Variants in FNDC3A observed in about 807,000 individuals in gnomAD.
FNDC3A encodes fibronectin type III domain containing 3A.
A neutral mutation model predicts 148.9 loss-of-function variants in FNDC3A; 32 were observed. That is an observed-to-expected ratio of 0.21 (90% CI 0.16 to 0.29). FNDC3A has a LOEUF of 0.29. Ranked by LOEUF, FNDC3A falls within the 10% of genes least tolerant of loss-of-function variation. The pLI, the probability that FNDC3A is intolerant of heterozygous loss-of-function variation, is 1.00. For synonymous variants in FNDC3A, 472 were observed against 473.6 expected (o/e 1.00, Z 0.04); for missense variants, 1,191 against 1,452.8 (o/e 0.82, Z 2.93).
At chr13:49,045,110 T>G (rs573785713) in intron 2 of FNDC3A, 1 of 190,116 alleles carries the variant, frequency 5.3e-6, no homozygotes, top group African/African-American at 2.4e-5. Flanking sequence ...CCTTTCCCTT[T>G]CCTTTTTTCT....
chr13:49,183,905 T>A (rs1032737968), intron 14 of FNDC3A, among the ~76,000 whole-genome samples: 1 of 152,220 alleles, frequency 6.6e-6, no homozygotes, highest in African/African-American at 2.4e-5. Context: ...CCAATATCTG[T>A]TGAGCATCTA....
At chr13:49,117,124 G>A (rs1192237825) in intron 4 of FNDC3A, among the ~76,000 whole-genome samples, 2 of 152,166 alleles carry the variant, frequency 1.3e-5, no homozygotes, top group Admixed American at 6.5e-5. Flanking sequence ...CTGTCATATA[G>A]TAGGAGCTCA....
At chr13:48,980,960 C>T (rs1369761436) in intron 1 of FNDC3A, among the ~76,000 whole-genome samples, 1 of 152,112 alleles carries the variant, frequency 6.6e-6, no homozygotes, top group Non-Finnish European at 1.5e-5. Flanking sequence ...CTGTTAAAAA[C>T]ATTAAAACCA....
intron 1 of FNDC3A, among the ~76,000 whole-genome samples, chr13:48,996,174 A>G (rs1376686064): frequency 6.6e-6 from 1 of 152,202 alleles, no homozygotes; most frequent in Non-Finnish European, 1.5e-5. Context: ...GGTATAAACC[A>G]TATCCATATT....
intron 8 of FNDC3A, among the ~76,000 whole-genome samples, chr13:49,157,426 A>G (rs1426539500): frequency 1.5e-5 from 2 of 134,672 alleles, no homozygotes; most frequent in Non-Finnish European, 3.2e-5. Context: ...ATTCTTCTAA[A>G]TTTTTTTCAA....
chr13:49,097,073 A>G (rs751337196), intron 3 of FNDC3A, among the ~76,000 whole-genome samples: 5 of 152,070 alleles, frequency 3.3e-5, no homozygotes, highest in African/African-American at 4.8e-5. Flanking sequence ...CTACTTTGCA[A>G]GTACCGTTAT....
At chr13:49,204,368 G>A (rs1886553681) in intron 25 of FNDC3A, among the ~76,000 whole-genome samples, 1 of 151,880 alleles carries the variant, frequency 6.6e-6, no homozygotes, top group East Asian at 1.9e-4. Flanking sequence ...AAGCTGGGTT[G>A]TTTTCATTGT....
chr13:49,177,800 AG>A (rs1259471090), intron 13 of FNDC3A, among the ~76,000 whole-genome samples: 1 of 152,210 alleles, frequency 6.6e-6, no homozygotes, highest in Non-Finnish European at 1.5e-5. Context: ...CAGTTACAAA[AG>A]ACTCCATATT....
intron 2 of FNDC3A, among the ~76,000 whole-genome samples, chr13:49,067,490 T>C (rs1336269390): frequency 6.6e-6 from 1 of 152,190 alleles, no homozygotes; most frequent in Non-Finnish European, 1.5e-5. Flanking sequence ...AGCAAAGATA[T>C]TTAGGTAGTT....
chr13:48,992,690 CAT>C (rs549390001), intron 1 of FNDC3A, among the ~76,000 whole-genome samples: 122 of 152,234 alleles, frequency 8.0e-4, no homozygotes, highest in Admixed American at 4.1e-3. Context: ...CACTTTTAAA[CAT>C]GTGCAATTTG....
intron 8 of FNDC3A, among the ~76,000 whole-genome samples, chr13:49,149,101 G>A (rs1321357841): frequency 6.7e-6 from 1 of 150,346 alleles, no homozygotes; most frequent in African/African-American, 2.4e-5. Context: ...AGAGTTTTCT[G>A]GTGGAGTCTT....
At chr13:49,130,109 C>T (rs1025907702) in intron 4 of FNDC3A, among the ~76,000 whole-genome samples, 1 of 151,898 alleles carries the variant, frequency 6.6e-6, no homozygotes, top group African/African-American at 2.4e-5. Context: ...AAGATAAAGT[C>T]CTTTAATTTT....
At chr13:49,029,501 T>G (rs537526314) in intron 2 of FNDC3A, among the ~76,000 whole-genome samples, 1 of 152,230 alleles carries the variant, frequency 6.6e-6, no homozygotes, top group South Asian at 2.1e-4. Context: ...AACCTTTTAC[T>G]TTAAAAAGCT....
rs79057584 is a variant in FNDC3A, at chr13:49,070,419, A to G, written c.100-4870A>G. The stretch of plus-strand genomic sequence containing the variant: ...TTCAACATGTAATTGATATAAAAAT[A>G]TGAAGTACCAGAGTTTTTTAATACT... On this transcript the variant is annotated intron_variant, in intron 2 of 25. Transcript: ENST00000492622. Among the ~76,000 whole-genome samples, 1,458 of 152,342 alleles carry G rather than the reference A, an allele frequency of 9.6e-3. 14 individuals carry two copies. The highest frequency in any genetic ancestry group is 0.023 in the African/African-American group (948 of 41,566).
rs369277280 is a variant in FNDC3A, at chr13:49,075,234, T to C, written c.100-55T>C. ...TATATCTGCTCTGTTACTATTTTTA[T>C]ATTCTGATTTGCTTTTTTTTGTTTT... On this transcript the variant is annotated intron_variant, in intron 2 of 25. Coordinates refer to ENST00000492622, the MANE Select transcript of FNDC3A (RefSeq NM_001079673.2). 95 of 1,028,468 alleles carry C rather than the reference T, an allele frequency of 9.2e-5. 1 individual carries two copies. The African/African-American group carries it at 1.3e-3, about 15-fold the overall frequency. 63.7% of individuals were successfully genotyped at this position (1,028,468 alleles called of 1,614,324 possible).
Position 49,190,983 on chromosome 13 carries a change from TTTTTGTTTTCTTTTTGC to T in FNDC3A, c.1945-22_1945-6del. The T allele has an allele frequency of 1.3e-6, 2 of 1,512,236 alleles. No homozygotes were observed. Among genetic ancestry groups the T allele is most frequent in the Non-Finnish European group, 1.8e-6 (2 of 1,105,006 alleles). The allele number at this position is 1,512,236 out of a possible 1,614,324, so 93.7% of individuals were successfully genotyped here. A position where few individuals can be genotyped will look rare whatever the true frequency, so the allele number is the denominator to read the frequency against. ...AATCTGATTATTTGGTTTTGGGGCATTTTTGTTTTCTTTTTGCTTTTGTTTTGGCAGGTCTCTGAATC... is the reference window on the plus strand; with the variant it reads ...AATCTGATTATTTGGTTTTGGGGCATTTTTGTTTTGGCAGGTCTCTGAATC... On this transcript the variant is annotated splice_polypyrimidine_tract_variant and intron_variant, in intron 17 of 25. Coordinates refer to ENST00000492622, the MANE Select transcript of FNDC3A (RefSeq NM_001079673.2).
intron 2 of FNDC3A, among the ~76,000 whole-genome samples, chr13:49,026,478 G>A (rs534403107): frequency 1.1e-4 from 16 of 152,216 alleles, no homozygotes; most frequent in African/African-American, 3.9e-4. Flanking sequence ...CAGGGTAGTT[G>A]CTAAGAGGTT....
chr13:49,038,372 T>TC lies in FNDC3A; in HGVS notation c.99+32088dup, dbSNP rs146848041. Among the ~76,000 whole-genome samples the TC allele has an allele frequency of 8.2e-3, 1,252 of 152,252 alleles. 20 individuals carry two copies. The highest frequency in any genetic ancestry group is 0.028 in the African/African-American group (1,183 of 41,526). On this transcript the variant is annotated intron_variant, in intron 2 of 25. Coordinates refer to ENST00000492622, the MANE Select transcript of FNDC3A (RefSeq NM_001079673.2). ...TCCCTGTCTCCTGTCCATATCATTT[T>TC]CCCCCTCTAAAGAGAGGGTGAGCCC...
intron 8 of FNDC3A, among the ~76,000 whole-genome samples, chr13:49,149,349 G>A (rs1883164710): frequency 6.6e-6 from 1 of 151,938 alleles, no homozygotes; most frequent in South Asian, 2.1e-4. Context: ...GTCATATGTG[G>A]TCTTTATTAT....
Sources: allele counts gnomAD v4.1 joint callset (sites outside exome capture counted in the v4.1 genomes callset), GRCh38; gene constraint gnomAD v4.1.1; transcripts MANE v1.5; gene names NCBI Gene and HGNC (gene_info 2026-07-23, HGNC 2026-07-21).